The following CACNA2D4 variants were observed in gnomAD, a reference collection of about 807,000 sequenced individuals.
CACNA2D4 encodes the protein calcium voltage-gated channel auxiliary subunit alpha2delta 4.
In CACNA2D4, 157 loss-of-function variants were observed where a neutral mutation model predicts 163.8. The observed-to-expected ratio is 0.96, with a 90% CI of 0.84 to 1.09. CACNA2D4 has a LOEUF of 1.09. CACNA2D4 is among the 50% of genes least tolerant of loss of function. The pLI is 0.00. For synonymous variants in CACNA2D4, 598 were observed against 586.9 expected (o/e 1.02, Z -0.27); for missense variants, 1,410 against 1,479.9 (o/e 0.95, Z 0.78).
chr12:1,878,172 G>T lies in CACNA2D4; in HGVS notation c.1719+143C>A. ...TAAACAACTTGAAAACAGGGACCAT[G>T]ACTCGAATACATTTTTTTTCTCATA... On this transcript the variant is annotated intron_variant, in intron 16 of 37. Coordinates refer to ENST00000382722, the MANE Select transcript of CACNA2D4 (RefSeq NM_172364.5). This position sits in a 1 kb window ranked among gnomAD's most constrained non-coding sequence, Gnocchi z 4.6. 2 of 919,570 alleles carry T rather than the reference G, an allele frequency of 2.2e-6. No individual in the cohort carries two copies. Among genetic ancestry groups the T allele is most frequent in the Non-Finnish European group, 3.4e-6 (2 of 585,740 alleles). The allele number at this position is 919,570 out of a possible 1,614,324, so 57.0% of individuals were successfully genotyped here.
intron 26 of CACNA2D4, chr12:1,831,126 G>A: frequency 6.2e-7 from 1 of 1,613,952 alleles, no homozygotes; most frequent in South Asian, 1.1e-5. Flanking sequence ...GCCAAGCTGG[G>A]CTTTCGCCAA....
intron 37 of CACNA2D4, 170 bp downstream of exon 37, chr12:1,795,129 A>C (rs1223763665): frequency 4.9e-6 from 3 of 607,624 alleles, no homozygotes; most frequent in Admixed American, 2.9e-5. Flanking sequence ...TCTGTTTCTT[A>C]TTATATCACA....
chr12:1,882,762 G>T, intron 13 of CACNA2D4, 105 bp downstream of exon 13: 1 of 1,184,550 alleles, frequency 8.4e-7, no homozygotes, highest in Non-Finnish European at 1.2e-6. Flanking sequence ...TCCCTAAGGA[G>T]GTGCTAGGCC....
At chr12:1,892,176 T>G (rs1866302257) in intron 6 of CACNA2D4, among the ~76,000 whole-genome samples, 1 of 152,166 alleles carries the variant, frequency 6.6e-6, no homozygotes, top group South Asian at 2.1e-4. Flanking sequence ...GTTGTCTAGT[T>G]GCTTACAAGG....
rs771184759 is a variant in CACNA2D4 at position 1,882,945 on chromosome 12, G to C, written c.1407C>G (p.Tyr469Ter). 17 of 1,613,594 alleles carry C rather than the reference G, an allele frequency of 1.1e-5. No individual in the cohort carries two copies. Among genetic ancestry groups the C allele is most frequent in the Non-Finnish European group, 1.4e-5 (16 of 1,179,758 alleles). Residue 469 changes from tyrosine (Y) to a stop codon, truncating the protein, a stop_gained, in exon 13 of 38, where the codon TAC (tyrosine) becomes TAG (stop). Transcript: ENST00000382722. LOFTEE classifies it high-confidence loss of function. ...LADTQENVME[Y>*]LHVLSRPMVI... ...CCATGGGGCGGCTGAGCACGTGCAG[G>C]TATTCCATCACGTTCTCCTGGGTGT...
rs934338712 is a variant in CACNA2D4, at chr12:1,883,666, T to C, written c.1351+577A>G. Among the ~76,000 whole-genome samples the C allele has an allele frequency of 3.3e-5, 5 of 152,042 alleles. No homozygotes were observed. The highest frequency in any genetic ancestry group is 1.3e-4 in the Admixed American group (2 of 15,268). ...CCCTCTGTCTGGAACACCCTTCCAGTCGCCCCACTGACTTGGAGAGTGCCT... is the reference window on the plus strand; with the variant it reads ...CCCTCTGTCTGGAACACCCTTCCAGCCGCCCCACTGACTTGGAGAGTGCCT... On this transcript the variant is annotated intron_variant, in intron 12 of 37. Coordinates refer to ENST00000382722, the MANE Select transcript of CACNA2D4 (RefSeq NM_172364.5). The surrounding 1 kb of genome is among the most constrained non-coding windows in gnomAD (Gnocchi z 4.5).
At chr12:1,837,301 TG>T (rs1351318387) in intron 26 of CACNA2D4, among the ~76,000 whole-genome samples, 1 of 152,162 alleles carries the variant, frequency 6.6e-6, no homozygotes, top group African/African-American at 2.4e-5. Flanking sequence ...CTGGCGGGGC[TG>T]CTGGCCAGGA....
At position 1,795,237 on chromosome 12, in the gene CACNA2D4, C is replaced by T. The variant is rs144276337; in HGVS notation, c.3309+62G>A. 8 of 1,487,880 alleles carry T rather than the reference C, an allele frequency of 5.4e-6. No homozygotes were observed. The African/African-American group carries it at 9.7e-5, about 18-fold the overall frequency. 92.2% of individuals were successfully genotyped at this position (1,487,880 alleles called of 1,614,324 possible). A position where few individuals can be genotyped will look rare whatever the true frequency, so the allele number is the denominator to read the frequency against. ...ATGCTCCTGTCTGCAGGGGCACAGA[C>T]CCAGGCACAGAGGGTTTGGGGATGA... On this transcript the variant is annotated intron_variant, in intron 37 of 37. Coordinates refer to ENST00000382722, the MANE Select transcript of CACNA2D4 (RefSeq NM_172364.5).
intron 18 of CACNA2D4, among the ~76,000 whole-genome samples, chr12:1,865,451 CGCGT>C (rs1865628719): frequency 6.6e-6 from 1 of 152,248 alleles, no homozygotes; most frequent in Admixed American, 6.5e-5. Flanking sequence ...AAAGCACAAT[CGCGT>C]GCCTGGGGTC....
chr12:1,855,955 T>A, intron 22 of CACNA2D4, 57 bp downstream of exon 22: 1 of 1,373,124 alleles, frequency 7.3e-7, no homozygotes, highest in Non-Finnish European at 1.0e-6. Flanking sequence ...CCTGGCAAAG[T>A]CCTGAACTTC....
Position 1,792,291 on chromosome 12 carries a change from A to G in CACNA2D4, c.*1364T>C, listed in dbSNP as rs886049115. The stretch of plus-strand genomic sequence containing the variant: ...TGCCCTCACAGGGTTGTTGCAAGAC[A>G]TGACGGTAAGAGTGACATTCTGTAA... On this transcript the variant is annotated 3_prime_UTR_variant, in exon 38 of 38. Transcript: ENST00000382722. The G allele has an allele frequency of 2.0e-5, 3 of 152,266 alleles. No individual in the cohort carries two copies. Among genetic ancestry groups the G allele is most frequent in the Non-Finnish European group, 4.4e-5 (3 of 68,046 alleles). The allele number at this position is 152,266 out of a possible 1,614,324, so 9.4% of individuals were successfully genotyped here.
At chr12:1,848,526 T>C (rs578244125) in intron 23 of CACNA2D4, among the ~76,000 whole-genome samples, 17 of 152,300 alleles carry the variant, frequency 1.1e-4, no homozygotes, top group African/African-American at 4.1e-4. Flanking sequence ...CTTATTTTAT[T>C]TTTACCCGAA....
intron 13 of CACNA2D4, among the ~76,000 whole-genome samples, chr12:1,881,205 A>G (rs1865988318): frequency 6.6e-6 from 1 of 152,204 alleles, no homozygotes; most frequent in South Asian, 2.1e-4. Context: ...CAGGTGTAAA[A>G]GTGAAGATCA....
At chr12:1,818,187 G>T (rs1479441524) in intron 26 of CACNA2D4, among the ~76,000 whole-genome samples, 1 of 148,662 alleles carries the variant, frequency 6.7e-6, no homozygotes, top group Admixed American at 6.6e-5. Flanking sequence ...CCCCGTCTGA[G>T]AAGTGAGGAG....
rs746248570 is a variant in CACNA2D4, at chr12:1,834,584, G to C, written c.2551+6155C>G. ...GTGCGGCGTCGTCTGCATCATGATG[G>C]TGGTGGCCGCTGCCTATGGCTGCAT... On this transcript the variant is annotated intron_variant, in intron 26 of 37. Transcript: ENST00000382722. This position sits in a 1 kb window ranked among gnomAD's most constrained non-coding sequence, Gnocchi z 7.6. The C allele has an allele frequency of 1.6e-5, 25 of 1,600,590 alleles. No individual in the cohort carries two copies. The South Asian group carries it at 2.7e-4, about 18-fold the overall frequency.
intron 6 of CACNA2D4, among the ~76,000 whole-genome samples, chr12:1,891,603 A>G (rs550581806): frequency 2.0e-4 from 31 of 152,090 alleles, no homozygotes; most frequent in Non-Finnish European, 4.4e-4. Flanking sequence ...AATTTATATA[A>G]TACCGGAAAA....
At chr12:1,816,866 A>G (rs1266460515) in intron 26 of CACNA2D4, among the ~76,000 whole-genome samples, 1 of 152,178 alleles carries the variant, frequency 6.6e-6, no homozygotes, top group East Asian at 1.9e-4. Flanking sequence ...AGGCATACGC[A>G]CACACTTGCA....
chr12:1,905,324 C>T (rs554934573), intron 6 of CACNA2D4, among the ~76,000 whole-genome samples: 4 of 152,114 alleles, frequency 2.6e-5, no homozygotes, highest in African/African-American at 7.2e-5. Context: ...CACTTTTGCC[C>T]CTTCTACTCA....
intron 18 of CACNA2D4, among the ~76,000 whole-genome samples, chr12:1,862,876 C>G (rs997540736): frequency 6.6e-6 from 1 of 152,126 alleles, no homozygotes; most frequent in African/African-American, 2.4e-5. Context: ...GGATACAAGT[C>G]TGCCTGCTTT....
Sources: gnomAD v4.1 joint callset for allele counts (sites outside exome capture counted in the v4.1 genomes callset) on GRCh38, gnomAD v4.1.1 for gene constraint, Gnocchi (gnomAD v3.1) non-coding constraint, MANE v1.5 for transcripts, NCBI Gene and HGNC (gene_info 2026-07-23, HGNC 2026-07-21) for gene names.